Variants in ZNF398 observed in about 807,000 individuals in gnomAD.
ZNF398 encodes zinc finger DNA binding protein ZER6.
A neutral mutation model predicts 41.9 loss-of-function variants in ZNF398; 18 were observed. That is an observed-to-expected ratio of 0.43 (90% confidence interval 0.30 to 0.64). ZNF398 has a LOEUF of 0.64. Among genes scored for constraint, ZNF398 ranks in the 30% least tolerant of loss-of-function variants. The probability of loss-of-function intolerance (pLI) is 0.14; values close to 1 mark genes in which losing one functional copy is unlikely to be tolerated. For synonymous variants in ZNF398, 260 were observed against 308.8 expected, an observed-to-expected ratio of 0.84 and a Z score of 1.66; for missense variants, 669 against 822.8, an observed-to-expected ratio of 0.81 and a Z score of 2.29.
chr7:149,133,654 AATATATATATATAT>A (rs146151029), intron 2 of ZNF398, among the ~76,000 whole-genome samples: 10 of 71,838 alleles, frequency 1.4e-4, no homozygotes, highest in Admixed American at 5.4e-4. Flanking sequence ...GTGTTTTTTA[AATATATATATATAT>A]ATATATATAT....
rs1474391908 is a variant in ZNF398 at position 149,166,838 on chromosome 7, A to G, written c.569A>G (p.Asp190Gly). The G allele has an allele frequency of 1.2e-5, 20 of 1,612,344 alleles. No homozygotes were observed. In the East Asian group the frequency reaches 4.5e-4, roughly 36 times the overall value. Residue 190 changes from aspartate (D) to glycine (G), a missense_variant, in exon 4 of 6, where the codon GAT becomes GGT. Transcript: ENST00000475153. Reference protein sequence around the residue: ...ISMDYAINQPDVLSQIQPEGE... With the variant: ...ISMDYAINQPGVLSQIQPEGE... ...CTAGATTATGCTATAAATCAACCTG[A>G]TGTCTTATCTCAGATTCAACCAGAA... is the stretch of plus-strand genomic sequence containing the variant.
At chr7:149,142,694 A>G (rs1585508305), upstream of ZNF398, among the ~76,000 whole-genome samples, 1 of 152,122 alleles carries the variant, frequency 6.6e-6, no homozygotes, top group Admixed American at 6.6e-5. Context: ...AAAAAACCAG[A>G]TATTTGGATA....
intron 2 of ZNF398, among the ~76,000 whole-genome samples, chr7:149,142,138 T>C (rs1826838083): frequency 6.6e-6 from 1 of 152,162 alleles, no homozygotes; most frequent in South Asian, 2.1e-4. Context: ...CTTGTAGAGA[T>C]AATTGCTATA....
intron 2 of ZNF398, among the ~76,000 whole-genome samples, chr7:149,132,822 T>C (rs1826627062): frequency 6.6e-6 from 1 of 152,144 alleles, no homozygotes; most frequent in Non-Finnish European, 1.5e-5. Flanking sequence ...TAGTCTCTGG[T>C]AGCCTTTTCT....
At chr7:149,163,193 G>GT (rs202227065) in intron 2 of ZNF398, among the ~76,000 whole-genome samples, 43 of 148,900 alleles carry the variant, frequency 2.9e-4, no homozygotes, top group African/African-American at 4.9e-4. Context: ...CAAAATACCT[G>GT]TTTTGTTTGT....
At chr7:149,155,724 T>TAA (rs1266017416) in intron 2 of ZNF398, among the ~76,000 whole-genome samples, 12 of 83,660 alleles carry the variant, frequency 1.4e-4, no homozygotes, top group Non-Finnish European at 2.2e-4. Context: ...TTTTTTTTTT[T>TAA]TTTTTAATTT....
chr7:149,151,826 G>A (rs1827122715), intron 1 of ZNF398, among the ~76,000 whole-genome samples: 1 of 143,520 alleles, frequency 7.0e-6, no homozygotes, highest in South Asian at 2.2e-4. Context: ...TCGTTCTGTC[G>A]CGTAGGCTGG....
At chr7:149,134,256 G>T (rs866677544) in intron 2 of ZNF398, among the ~76,000 whole-genome samples, 91 of 150,800 alleles carry the variant, frequency 6.0e-4, no homozygotes, top group African/African-American at 2.0e-3. Context: ...TGTTTTTTTT[G>T]GATTTTTAGT....
intron 1 of ZNF398, among the ~76,000 whole-genome samples, chr7:149,149,027 C>T (rs1198075715): frequency 1.3e-5 from 2 of 151,634 alleles, no homozygotes; most frequent in African/African-American, 2.4e-5. Context: ...AAAAGCCAGG[C>T]GCTGTGTTGT....
rs1827042057 is a variant in ZNF398, at chr7:149,149,065, G to GA, written c.24+1299_24+1300insA. Among the ~76,000 whole-genome samples the GA allele has an allele frequency of 4.0e-5, 6 of 151,286 alleles. No homozygotes were observed. The East Asian group carries it at 1.2e-3, about 29-fold the overall frequency. ...ACGCCTGTAGTCCCAGCTAGGCCGG[G>GA]GGCTGAGGCGGAAGAATCACTTGAG... On this transcript the variant is annotated intron_variant, in intron 1 of 5. Transcript: ENST00000475153.
chr7:149,129,876 C>T (rs1826563040), intron 2 of ZNF398, among the ~76,000 whole-genome samples: 1 of 152,076 alleles, frequency 6.6e-6, no homozygotes, highest in Admixed American at 6.6e-5. Context: ...TCTCAGCTCA[C>T]CGCAACCTCC....
intron 2 of ZNF398, among the ~76,000 whole-genome samples, chr7:149,133,678 T>TATATATATATATATATATATAC (rs1483673161): frequency 1.5e-5 from 1 of 67,024 alleles, no homozygotes; most frequent in Non-Finnish European, 2.7e-5. Context: ...TATATATATA[T>TATATATATATATATATATATAC]ACATATATAT....
chr7:149,131,148 G>A (rs928675451), intron 2 of ZNF398, among the ~76,000 whole-genome samples: 1 of 152,152 alleles, frequency 6.6e-6, no homozygotes, highest in South Asian at 2.1e-4. Context: ...TTTATTCAAA[G>A]AAACCATAAA....
chr7:149,149,706 C>CGTGGTGGCATGCACTTGTACTCCCA (rs1162243093), intron 1 of ZNF398, among the ~76,000 whole-genome samples: 8 of 151,796 alleles, frequency 5.3e-5, no homozygotes, highest in Non-Finnish European at 1.2e-4. Context: ...ATTAGCCAGG[C>CGTGGTGGCATGCACTTGTACTCCCA]GTGGTGGCAT....
At chr7:149,159,448 C>T (rs1358505231) in intron 2 of ZNF398, among the ~76,000 whole-genome samples, 1 of 151,500 alleles carries the variant, frequency 6.6e-6, no homozygotes, top group Non-Finnish European at 1.5e-5. Flanking sequence ...GAGATCGAGA[C>T]CATCTGGCTA....
intron 2 of ZNF398, among the ~76,000 whole-genome samples, chr7:149,165,278 G>T (rs2129521086): frequency 6.6e-6 from 1 of 152,264 alleles, no homozygotes; most frequent in South Asian, 2.1e-4. Flanking sequence ...ATCAAGCTGA[G>T]AAAGTCTAAC....
At chr7:149,162,930 C>A (rs181633807) in intron 2 of ZNF398, among the ~76,000 whole-genome samples, 1 of 151,652 alleles carries the variant, frequency 6.6e-6, no homozygotes, top group Non-Finnish European at 1.5e-5. Flanking sequence ...GAGCTGAGAT[C>A]GTGCCATTGC....
Position 149,180,475 on chromosome 7 carries a change from A to C in ZNF398, c.*674A>C, listed in dbSNP as rs1326720248. ...TGACTTTAAAAGATTATTAAGGAGAATATTCCTTAACTATACTGGCTTGAT... is the reference window on the plus strand; with the variant it reads ...TGACTTTAAAAGATTATTAAGGAGACTATTCCTTAACTATACTGGCTTGAT... On this transcript the variant is annotated 3_prime_UTR_variant, in exon 6 of 6. Transcript: ENST00000475153. 2 of 152,244 alleles carry C rather than the reference A, an allele frequency of 1.3e-5. No homozygotes were observed. Among genetic ancestry groups the C allele is most frequent in the Non-Finnish European group, 2.9e-5 (2 of 68,054 alleles). The allele number at this position is 152,244 out of a possible 1,614,324, so 9.4% of individuals were successfully genotyped here. A position where few individuals can be genotyped will look rare whatever the true frequency, so the allele number is the denominator to read the frequency against.
intron 2 of ZNF398, among the ~76,000 whole-genome samples, chr7:149,157,748 G>T (rs1795013473): frequency 1.3e-5 from 2 of 148,366 alleles, no homozygotes; most frequent in Admixed American, 1.4e-4. Flanking sequence ...TGAGACAGGA[G>T]AATTGCTTGA....
Sources: allele counts gnomAD v4.1 joint callset (sites outside exome capture counted in the v4.1 genomes callset), GRCh38; gene constraint gnomAD v4.1.1; transcripts MANE v1.5; gene names NCBI Gene and HGNC (gene_info 2026-07-23, HGNC 2026-07-21).